L3MBTL2: variants seen among roughly 807,000 people sequenced by gnomAD.
L3MBTL2 encodes the protein L3MBTL histone methyl-lysine binding protein 2, also known as lethal(3)malignant brain tumor-like protein 2.
In L3MBTL2, 49 loss-of-function variants were observed where a neutral mutation model predicts 86.4. That is an observed-to-expected ratio of 0.57 (90% CI 0.45 to 0.72). The LOEUF is 0.72. Ranked by LOEUF, L3MBTL2 falls within the 30% of genes least tolerant of loss-of-function variation. The pLI, the probability that L3MBTL2 is intolerant of heterozygous loss-of-function variation, is 0.00. For missense variants in L3MBTL2, 755 were observed against 923.7 expected (o/e 0.82, Z 2.37); for synonymous variants, 336 against 350.6 (o/e 0.96, Z 0.47).
In L3MBTL2 at chr22:41,230,142, T is replaced by C. The variant is rs2032495945; in HGVS notation, c.2009T>C (p.Ile670Thr). 1.2e-6 allele frequency: 1 copy of C among 852,492 alleles called. No homozygotes were observed. The highest frequency in any genetic ancestry group is 1.8e-6 in the Non-Finnish European group (1 of 566,442). 52.8% of individuals were successfully genotyped at this position (852,492 alleles called of 1,614,324 possible). A position where few individuals can be genotyped will look rare whatever the true frequency, so the allele number is the denominator to read the frequency against. ...CCCGCCTCCCCTCCCTCTTCAGTCA[T>C]TGCTGTGCGTGTGAAGGAAGAGCAT... is the stretch of plus-strand genomic sequence containing the variant. ...ISSEPVPGEI[I>T]AVRVKEEHLD... is the part of the protein sequence containing the mutation. Residue 670 changes from isoleucine to threonine, a missense_variant, in exon 17 of 17, where the codon ATT (isoleucine) becomes ACT (threonine). Physicochemically the swap from Ile to Thr is moderately conservative, Grantham distance 89. Around this residue, in one of 3 missense-constraint regions of L3MBTL2, gnomAD observed 634 missense variants for 748.9 expected, o/e 0.85. Transcript: ENST00000216237.
In L3MBTL2 at chr22:41,209,731, A is replaced by G; in HGVS notation, c.60A>G (p.Glu20=). Residue 20 remains glutamate, a synonymous_variant, in exon 2 of 17, where the codon GAA becomes GAG. Transcript: ENST00000216237. The part of the protein sequence containing the change: ...TPSSEPMEEE[E]DDDLELFGGY... The stretch of plus-strand genomic sequence containing the variant: ...CTTCAGAACCAATGGAGGAAGAGGA[A>G]GATGACGACTTGGAGCTGTTTGGTG... 3 of 1,614,248 alleles carry G rather than the reference A, an allele frequency of 1.9e-6. No individual in the cohort carries two copies. The South Asian group carries it at 3.3e-5, about 18-fold the overall frequency.
chr22:41,217,377 C>A (rs2031471105), intron 5 of L3MBTL2, 175 bp downstream of exon 5: 1 of 597,116 alleles, frequency 1.7e-6, no homozygotes, highest in Non-Finnish European at 3.0e-6. Flanking sequence ...AATCCTCCTA[C>A]AAACACTTCT....
intron 1 of L3MBTL2, 42 bp downstream of exon 1, chr22:41,205,428 C>T: frequency 1.2e-6 from 2 of 1,611,648 alleles, no homozygotes; most frequent in Non-Finnish European, 8.5e-7. Flanking sequence ...AAGGGAACTC[C>T]GAGAGCCTCG....
chr22:41,221,641 C>T (rs779743935), intron 8 of L3MBTL2, among the ~76,000 whole-genome samples: 1 of 152,248 alleles, frequency 6.6e-6, no homozygotes, highest in Admixed American at 6.5e-5. Flanking sequence ...GAGTCTCGCT[C>T]TGTCCCCCAG....
chr22:41,228,878 G>C (rs2145619755), intron 15 of L3MBTL2, among the ~76,000 whole-genome samples: 1 of 152,086 alleles, frequency 6.6e-6, no homozygotes, highest in Middle Eastern at 3.4e-3. Context: ...TTGAGTGAGG[G>C]TGTGGCATTT....
rs1265365505 is a variant in L3MBTL2 at position 41,224,935 on chromosome 22, C to T, written c.1252-32C>T. 3 of 1,600,232 alleles carry T rather than the reference C, an allele frequency of 1.9e-6. No homozygotes were observed. Among genetic ancestry groups the T allele is most frequent in the Non-Finnish European group, 2.6e-6 (3 of 1,168,432 alleles). On this transcript the variant is annotated intron_variant, in intron 10 of 16. Coordinates refer to ENST00000216237, the MANE Select transcript of L3MBTL2 (RefSeq NM_031488.5). This position sits in a 1 kb window ranked among gnomAD's most constrained non-coding sequence, Gnocchi z 4.9. ...CCCTCACCCTTCCTCCTGGCCTGCC[C>T]AGGGAGTCCCCAGCTGTCCCATTCC...
intron 1 of L3MBTL2, among the ~76,000 whole-genome samples, chr22:41,206,581 G>A (rs1405657728): frequency 2.0e-5 from 3 of 152,000 alleles, no homozygotes; most frequent in Non-Finnish European, 2.9e-5. Context: ...GGCAGATCAC[G>A]AGGTCAGGAG....
At position 41,227,670 on chromosome 22, in the gene L3MBTL2, CAT is replaced by C; in HGVS notation, c.1823-133_1823-132del. 6.4e-7 allele frequency: 1 copy of C among 1,574,230 alleles called. No individual in the cohort carries two copies. Among genetic ancestry groups the C allele is most frequent in the Non-Finnish European group, 8.6e-7 (1 of 1,159,632 alleles). The stretch of plus-strand genomic sequence containing the variant: ...CCCTCCTCCAGCCCCGCCCTCTCCT[CAT>C]TGCCCAGGTTTGGCTTCCTGTCTTG... On this transcript the variant is annotated intron_variant, in intron 14 of 16. Coordinates refer to ENST00000216237, the MANE Select transcript of L3MBTL2 (RefSeq NM_031488.5). The surrounding 1 kb of genome is among the most constrained non-coding windows in gnomAD (Gnocchi z 6.0).
chr22:41,228,163 C>T, intron 15 of L3MBTL2: 20 of 985,448 alleles, frequency 2.0e-5, no homozygotes, highest in Non-Finnish European at 2.3e-5. Context: ...ATCCCTGATG[C>T]CCCATGTTCA....
chr22:41,216,395 G>A lies in L3MBTL2; in HGVS notation c.520+133G>A, dbSNP rs1020684731. ...AAGTGCCCTAAGTCAGGGTCACTGCGGATTGCATCTTCCTCACCTGTTGGG... is the reference window on the plus strand; with the variant it reads ...AAGTGCCCTAAGTCAGGGTCACTGCAGATTGCATCTTCCTCACCTGTTGGG... On this transcript the variant is annotated intron_variant, in intron 4 of 16. Coordinates refer to ENST00000216237, the MANE Select transcript of L3MBTL2 (RefSeq NM_031488.5). 2.3e-5 allele frequency: 24 copies of A among 1,033,164 alleles called. No individual in the cohort carries two copies. In the African/African-American group the frequency reaches 3.2e-4, roughly 14 times the overall value. The allele number at this position is 1,033,164 out of a possible 1,614,324, so 64.0% of individuals were successfully genotyped here.
intron 7 of L3MBTL2, 22 bp from the exon 8 acceptor site, chr22:41,221,177 G>T: frequency 6.5e-7 from 1 of 1,536,626 alleles, no homozygotes; most frequent in East Asian, 2.5e-5. Context: ...GTGTAACCAG[G>T]ATTCTGCTGG....
At chr22:41,223,168 G>GT (rs1569148506) in intron 8 of L3MBTL2, among the ~76,000 whole-genome samples, 1 of 152,220 alleles carries the variant, frequency 6.6e-6, no homozygotes, top group Non-Finnish European at 1.5e-5. Flanking sequence ...TAGGACCCCT[G>GT]TGTCAGCTTT....
Position 41,225,163 on chromosome 22 carries a change from G to C in L3MBTL2, c.1356+92G>C. ...CTAACCCCACTCGCCACCGTCAGGG[G>C]GTCTGTGTCCCAGCCTCTCATCACT... On this transcript the variant is annotated intron_variant, in intron 11 of 16. Coordinates refer to ENST00000216237, the MANE Select transcript of L3MBTL2 (RefSeq NM_031488.5). The surrounding 1 kb of genome is among the most constrained non-coding windows in gnomAD (Gnocchi z 4.1). 2.0e-6 allele frequency: 2 copies of C among 993,102 alleles called. No homozygotes were observed. The highest frequency in any genetic ancestry group is 3.1e-5 in the South Asian group (2 of 64,098). The allele number at this position is 993,102 out of a possible 1,614,324, so 61.5% of individuals were successfully genotyped here. A position where few individuals can be genotyped will look rare whatever the true frequency, so the allele number is the denominator to read the frequency against.
At position 41,225,030 on chromosome 22, in the gene L3MBTL2, C is replaced by A; in HGVS notation, c.1315C>A (p.Pro439Thr). The part of the protein sequence containing the change: ...EEGMKLEAID[P>T]LNLGNICVAT... ...AGGGATGAAGCTGGAGGCCATTGAC[C>A]CCCTGAATCTGGGCAACATCTGCGT... Residue 439 changes from proline to threonine, a missense_variant, in exon 11 of 17, where the codon CCC (proline) becomes ACC (threonine). Pro to Thr is a conservative substitution (Grantham distance 38, BLOSUM62 -1). Around this residue, in one of 3 missense-constraint regions of L3MBTL2, gnomAD observed 634 missense variants for 748.9 expected, o/e 0.85. Transcript: ENST00000216237. The surrounding 1 kb of genome is among the most constrained non-coding windows in gnomAD (Gnocchi z 4.1). The A allele has an allele frequency of 6.2e-7, 1 of 1,614,090 alleles. No homozygotes were observed. Among genetic ancestry groups the A allele is most frequent in the Non-Finnish European group, 8.5e-7 (1 of 1,179,980 alleles).
chr22:41,211,412 C>G (rs1271363071), intron 2 of L3MBTL2, among the ~76,000 whole-genome samples: 1 of 151,634 alleles, frequency 6.6e-6, no homozygotes, highest in East Asian at 1.9e-4. Flanking sequence ...TGCCCTGTTA[C>G]CCAGGCTGGT....
chr22:41,225,152 C>A lies in L3MBTL2; in HGVS notation c.1356+81C>A. The A allele has an allele frequency of 9.1e-7, 1 of 1,097,134 alleles. No homozygotes were observed. The highest frequency in any genetic ancestry group is 1.3e-6 in the Non-Finnish European group (1 of 750,766). The allele number at this position is 1,097,134 out of a possible 1,614,324, so 68.0% of individuals were successfully genotyped here. ...GGCCCAGAGCTCTAACCCCACTCGC[C>A]ACCGTCAGGGGGTCTGTGTCCCAGC... On this transcript the variant is annotated intron_variant, in intron 11 of 16. Coordinates refer to ENST00000216237, the MANE Select transcript of L3MBTL2 (RefSeq NM_031488.5). This position sits in a 1 kb window ranked among gnomAD's most constrained non-coding sequence, Gnocchi z 4.1.
rs1000919490 is a variant in L3MBTL2, at chr22:41,205,345, T to G, written c.-18T>G. 2 of 1,614,136 alleles carry G rather than the reference T, an allele frequency of 1.2e-6. No homozygotes were observed. The highest frequency in any genetic ancestry group is 3.3e-5 in the Admixed American group (2 of 60,000). On this transcript the variant is annotated 5_prime_UTR_variant, in exon 1 of 17. Coordinates refer to ENST00000216237, the MANE Select transcript of L3MBTL2 (RefSeq NM_031488.5). ...ATGGCTTCCTGCACCTGGTGACGCT[T>G]GGCGAAACTGAGGTCTCATGGAGAA...
In L3MBTL2 at chr22:41,225,082, G is replaced by A. The variant is rs117060756; in HGVS notation, c.1356+11G>A. The A allele has an allele frequency of 7.1e-4, 1,145 of 1,606,526 alleles. 19 individuals are homozygous for A. In the East Asian group the frequency reaches 0.023, roughly 33 times the overall value. On this transcript the variant is annotated intron_variant, in intron 11 of 16. Transcript: ENST00000216237. The surrounding 1 kb of genome is among the most constrained non-coding windows in gnomAD (Gnocchi z 4.1). ...GCAACTGTCTGTAAGGTGAGCCAGG[G>A]GCCGGCTCTCCAGCCTCCAGATTTC...
At chr22:41,214,125 C>G in intron 3 of L3MBTL2, 99 bp downstream of exon 3, 1 of 1,248,910 alleles carries the variant, frequency 8.0e-7, no homozygotes, top group Non-Finnish European at 1.1e-6. Context: ...TGAAAAGGTC[C>G]TTGCTTGTGG....
Sources: allele counts gnomAD v4.1 joint callset (sites outside exome capture counted in the v4.1 genomes callset), GRCh38; gene constraint gnomAD v4.1.1; regional missense constraint gnomAD v4.1.1; non-coding constraint Gnocchi (gnomAD v3.1); transcripts MANE v1.5; gene names NCBI Gene and HGNC (gene_info 2026-07-23, HGNC 2026-07-21).